Variants in NBEA observed in about 807,000 individuals in gnomAD.
NBEA encodes the protein neurobeachin.
NBEA carries 44 observed loss-of-function variants against 343.4 expected under a neutral mutation model. The ratio of observed to expected loss-of-function variants is 0.13; its 90% CI spans 0.10 to 0.16. The LOEUF (loss-of-function observed/expected upper bound fraction) is 0.16. Among genes scored for constraint, NBEA ranks in the 10% least tolerant of loss-of-function variants. The pLI is 1.00. For missense variants in NBEA, 2,555 were observed against 3,631.3 expected (o/e 0.70, Z 7.62); for synonymous variants, 1,175 against 1,238.7 (o/e 0.95, Z 1.08).
chr13:35,066,113 A>G (rs1478438282), intron 8 of NBEA, among the ~76,000 whole-genome samples: 3 of 152,050 alleles, frequency 2.0e-5, no homozygotes, highest in Non-Finnish European at 4.4e-5. Context: ...GGCACAAGCC[A>G]CTGTGCCTGA....
intron 38 of NBEA, among the ~76,000 whole-genome samples, chr13:35,370,385 AAT>A (rs1276889323): frequency 1.3e-5 from 2 of 151,874 alleles, no homozygotes; most frequent in Admixed American, 6.6e-5. Flanking sequence ...CTTTACATGG[AAT>A]ATTGTTTCCC....
chr13:35,480,600 T>C (rs1365709244), intron 41 of NBEA, among the ~76,000 whole-genome samples: 3 of 152,008 alleles, frequency 2.0e-5, no homozygotes, highest in African/African-American at 4.8e-5. Context: ...TGAAGTTGAG[T>C]TTATTACATT....
Position 35,047,201 on chromosome 13 carries a change from T to TTGTGTGTGTG in NBEA, c.724-1344_724-1335dup, listed in dbSNP as rs139134555. ...ATAGGGTTTAACTCTTCATTTGAAA[T>TTGTGTGTGTG]TGTGTGTGTGTGTGTGTGTGTGTGT... On this transcript the variant is annotated intron_variant, in intron 4 of 58. Coordinates refer to ENST00000379939, the MANE Select transcript of NBEA (RefSeq NM_001385012.1). Among the ~76,000 whole-genome samples the TTGTGTGTGTG allele has an allele frequency of 5.4e-3, 806 of 148,064 alleles. 8 individuals carry two copies. Among genetic ancestry groups the TTGTGTGTGTG allele is most frequent in the African/African-American group, 0.019 (758 of 40,458 alleles).
chr13:34,953,562 T>G (rs1349267872), intron 1 of NBEA, among the ~76,000 whole-genome samples: 1 of 152,180 alleles, frequency 6.6e-6, no homozygotes, highest in Non-Finnish European at 1.5e-5. Flanking sequence ...CCTCCCAACA[T>G]GTACTTTCCC....
intron 1 of NBEA, among the ~76,000 whole-genome samples, chr13:34,957,772 C>T (rs2059544264): frequency 6.6e-6 from 1 of 152,046 alleles, no homozygotes; most frequent in South Asian, 2.1e-4. Context: ...TTTTAAGAAA[C>T]AACATAAATT....
At chr13:34,989,227 T>A (rs2060663463) in intron 1 of NBEA, among the ~76,000 whole-genome samples, 1 of 151,146 alleles carries the variant, frequency 6.6e-6, no homozygotes, top group Non-Finnish European at 1.5e-5. Context: ...TATCTTCCTC[T>A]TCTGCTGTAG....
chr13:35,208,632 G>A, intron 31 of NBEA, 68 bp from the exon 32 acceptor site: 1 of 1,370,222 alleles, frequency 7.3e-7, no homozygotes, highest in Non-Finnish European at 9.8e-7. Context: ...ATGTATATCT[G>A]TTGCAGCAGG....
In NBEA at chr13:35,292,209, A is replaced by G. The variant is rs560374211; in HGVS notation, c.5838+1759A>G. Among the ~76,000 whole-genome samples the G allele has an allele frequency of 5.5e-4, 84 of 152,090 alleles. No individual in the cohort carries two copies. In the Middle Eastern group the frequency reaches 0.014, roughly 25 times the overall value. On this transcript the variant is annotated intron_variant, in intron 35 of 58. Coordinates refer to ENST00000379939, the MANE Select transcript of NBEA (RefSeq NM_001385012.1). ...CTAGAACTATCTTTGTAGATCATTA[A>G]TTGCTCCATGAATGTTTAAAATCAT...
intron 29 of NBEA, 55 bp downstream of exon 29, chr13:35,182,583 T>A (rs2071390340): frequency 6.7e-7 from 1 of 1,490,200 alleles, no homozygotes; most frequent in Admixed American, 2.1e-5. Flanking sequence ...CTCCTTTTTT[T>A]CACCTTTACA....
intron 36 of NBEA, among the ~76,000 whole-genome samples, chr13:35,337,087 C>G (rs2039305935): frequency 6.6e-6 from 1 of 151,720 alleles, no homozygotes; most frequent in Non-Finnish European, 1.5e-5. Flanking sequence ...CAAAAGAAGG[C>G]AAGAAATGGA....
chr13:35,048,539 G>A lies in NBEA; in HGVS notation c.724-24G>A, dbSNP rs748640818. 3.6e-5 allele frequency: 57 copies of A among 1,593,530 alleles called. 3 individuals are homozygous for A. In the Admixed American group the frequency reaches 4.4e-4, roughly 12 times the overall value. On this transcript the variant is annotated intron_variant, in intron 4 of 58. Coordinates refer to ENST00000379939, the MANE Select transcript of NBEA (RefSeq NM_001385012.1). Reference sequence around the variant, plus strand: ...TCACATTTCTTTAACTGATACTTTCGTACCTTTTCTCATTGCCTTGTAGGC... The same window carrying A: ...TCACATTTCTTTAACTGATACTTTCATACCTTTTCTCATTGCCTTGTAGGC...
At chr13:34,952,428 A>G (rs1475212267) in intron 1 of NBEA, among the ~76,000 whole-genome samples, 2 of 152,196 alleles carry the variant, frequency 1.3e-5, no homozygotes, top group African/African-American at 4.8e-5. Context: ...TTATGTGGTA[A>G]ATGGCTTTGA....
rs144527031 is a variant in NBEA at position 35,231,546 on chromosome 13, A to G, written c.5649-946A>G. Among the ~76,000 whole-genome samples the G allele has an allele frequency of 8.9e-4, 135 of 152,210 alleles. 1 individual carries two copies. Among genetic ancestry groups the G allele is most frequent in the Middle Eastern group, 3.4e-3 (1 of 294 alleles). ...ATATTGACTTTGGTTTGTTTAATGT[A>G]TCAGAATCACATTTTGTGAGTGTAA... On this transcript the variant is annotated intron_variant, in intron 33 of 58. Transcript: ENST00000379939.
chr13:35,350,729 TG>T (rs1337608742), intron 37 of NBEA, among the ~76,000 whole-genome samples: 1 of 11,242 alleles, frequency 8.9e-5, no homozygotes, highest in Non-Finnish European at 1.8e-4. Context: ...GAGCTATTGA[TG>T]TGTGTGTGTG....
At chr13:35,666,158 A>AT (rs2085343110) in intron 56 of NBEA, among the ~76,000 whole-genome samples, 3 of 73,252 alleles carry the variant, frequency 4.1e-5, no homozygotes, top group Admixed American at 3.9e-4. Context: ...AAGCATTTGC[A>AT]ATTTTTTTTT....
intron 10 of NBEA, among the ~76,000 whole-genome samples, chr13:35,096,863 A>G (rs2065359148): frequency 6.6e-6 from 1 of 151,908 alleles, no homozygotes; most frequent in African/African-American, 2.4e-5. Context: ...ACATTTTTTT[A>G]AATCCCAAGA....
intron 45 of NBEA, among the ~76,000 whole-genome samples, chr13:35,576,066 T>A (rs2080723741): frequency 6.6e-6 from 1 of 152,292 alleles, no homozygotes; most frequent in East Asian, 1.9e-4. Context: ...TGATGTACGC[T>A]GATTCAAATA....
intron 34 of NBEA, among the ~76,000 whole-genome samples, 164 bp from the exon 35 acceptor site, chr13:35,290,225 A>G (rs2035715139): frequency 6.6e-6 from 1 of 151,868 alleles, no homozygotes; most frequent in African/African-American, 2.4e-5. Context: ...GTTTTAAATT[A>G]TTGCTAAAAA....
chr13:35,339,834 C>A (rs2152855787), intron 36 of NBEA, among the ~76,000 whole-genome samples: 1 of 152,192 alleles, frequency 6.6e-6, no homozygotes, highest in South Asian at 2.1e-4. Context: ...TATTTCTAAA[C>A]CATTCATGAG....
Sources: allele counts gnomAD v4.1 joint callset (sites outside exome capture counted in the v4.1 genomes callset), GRCh38; gene constraint gnomAD v4.1.1; transcripts MANE v1.5; gene names NCBI Gene and HGNC (gene_info 2026-07-23, HGNC 2026-07-21).